REEP3: variants seen among roughly 807,000 people sequenced by gnomAD.
REEP3 encodes the protein receptor expression-enhancing protein 3.
In REEP3, 20 loss-of-function variants were observed where a neutral mutation model predicts 41.3. The ratio of observed to expected loss-of-function variants is 0.48; its 90% CI spans 0.34 to 0.70. REEP3 has a LOEUF of 0.70. Ranked by LOEUF, REEP3 falls within the 30% of genes least tolerant of loss-of-function variation. The pLI, the probability that REEP3 is intolerant of heterozygous loss-of-function variation, is 0.01. For missense variants in REEP3, 271 were observed against 308.8 expected (o/e 0.88, Z 0.92); for synonymous variants, 104 against 101.8 (o/e 1.02, Z -0.13).
intron 2 of REEP3, among the ~76,000 whole-genome samples, chr10:63,586,984 G>T (rs1477683254): frequency 7.0e-5 from 10 of 142,500 alleles, no homozygotes; most frequent in East Asian, 4.0e-4. Flanking sequence ...GTTTATGCAT[G>T]TTTTTTTTTT....
chr10:63,521,636 G>T, intron 1 of REEP3, 59 bp downstream of exon 1: 1 of 1,286,566 alleles, frequency 7.8e-7, no homozygotes, highest in Non-Finnish European at 1.0e-6. Flanking sequence ...CTGTGGGAAG[G>T]GGAAGGAGCC....
At chr10:63,604,991 G>T (rs977077876) in intron 5 of REEP3, among the ~76,000 whole-genome samples, 2 of 152,110 alleles carry the variant, frequency 1.3e-5, no homozygotes, top group African/African-American at 4.8e-5. Context: ...CACTGAGAGG[G>T]GGCTGCTACT....
chr10:63,580,651 AAAAC>A (rs766581943), intron 2 of REEP3, among the ~76,000 whole-genome samples: 1 of 152,212 alleles, frequency 6.6e-6, no homozygotes, highest in Non-Finnish European at 1.5e-5. Context: ...AAAAAAATGA[AAAAC>A]AAGAAAAGAG....
At chr10:63,617,714 TATCA>T (rs1956321838) in intron 6 of REEP3, among the ~76,000 whole-genome samples, 5 of 1,974 alleles carry the variant, frequency 2.5e-3, no homozygotes, top group Non-Finnish European at 4.7e-3. Flanking sequence ...TTTTATTTTT[TATCA>T]GCATGAGCCA....
chr10:63,569,881 C>T (rs1448123980), intron 2 of REEP3, among the ~76,000 whole-genome samples: 5 of 151,900 alleles, frequency 3.3e-5, no homozygotes, highest in Admixed American at 2.0e-4. Flanking sequence ...GTCGAGACTA[C>T]AGTGAGACAT....
Position 63,521,564 on chromosome 10 carries a change from T to A in REEP3, c.19T>A (p.Ser7Thr). The change falls in exon 1 of 8, where the codon TCC (serine) becomes ACC (threonine). Residue 7 changes from serine (S) to threonine (T), a missense_variant. Physicochemically the swap from Ser to Thr is moderately conservative, Grantham distance 58. Transcript: ENST00000373758. ...CGTGAAGATGGTGTCCTGGATGATC[T>A]CCAGAGCCGTGGTGTAAGTGCCTCT... MVSWMI[S>T]RAVVLVFGML... 1.4e-6 allele frequency: 2 copies of A among 1,430,102 alleles called. No individual in the cohort carries two copies. The highest frequency in any genetic ancestry group is 1.9e-6 in the Non-Finnish European group (2 of 1,080,338). The allele number at this position is 1,430,102 out of a possible 1,614,324, so 88.6% of individuals were successfully genotyped here. A position where few individuals can be genotyped will look rare whatever the true frequency, so the allele number is the denominator to read the frequency against.
Position 63,622,215 on chromosome 10 carries a change from C to T in REEP3, c.*1346C>T, listed in dbSNP as rs1000038389. ...AAAAGATAAAATGATGAGAGAGATT[C>T]GAGAGGTCTTTGATCTGTCTCCCTT... On this transcript the variant is annotated 3_prime_UTR_variant, in exon 8 of 8. Transcript: ENST00000373758. 8.5e-5 allele frequency: 13 copies of T among 152,188 alleles called. No homozygotes were observed. The highest frequency in any genetic ancestry group is 3.1e-4 in the African/African-American group (13 of 41,520). 9.4% of individuals were successfully genotyped at this position (152,188 alleles called of 1,614,324 possible).
rs775748731 is a variant in REEP3 at position 63,538,215 on chromosome 10, A to G, written c.32+16638A>G. Among the ~76,000 whole-genome samples, 13 of 152,194 alleles carry G rather than the reference A, an allele frequency of 8.5e-5. 1 individual carries two copies. The highest frequency in any genetic ancestry group is 1.5e-4 in the Non-Finnish European group (10 of 68,032). On this transcript the variant is annotated intron_variant, in intron 1 of 7. Transcript: ENST00000373758. ...CTTGCCTATTTTGTTAGTTTAGCCT[A>G]TCAAAAATGTCACATTGCTTGAAAC...
intron 1 of REEP3, among the ~76,000 whole-genome samples, chr10:63,546,455 A>C (rs1955579326): frequency 6.6e-6 from 1 of 152,236 alleles, no homozygotes; most frequent in Non-Finnish European, 1.5e-5. Context: ...AAGTATACCT[A>C]GAGAAGAGAA....
chr10:63,616,102 C>T (rs7075628), intron 6 of REEP3, among the ~76,000 whole-genome samples: 7,152 of 152,226 alleles, frequency 0.047, 252 homozygotes, highest in African/African-American at 0.097. Flanking sequence ...GGCTTCATTG[C>T]TCTCTGACGA....
chr10:63,564,805 G>A (rs1277611203), intron 1 of REEP3, among the ~76,000 whole-genome samples: 1 of 152,136 alleles, frequency 6.6e-6, no homozygotes, highest in African/African-American at 2.4e-5. Flanking sequence ...ACCCCTTGAA[G>A]CAGCAACATC....
chr10:63,597,811 G>C (rs1956129984), intron 3 of REEP3, among the ~76,000 whole-genome samples: 1 of 151,904 alleles, frequency 6.6e-6, no homozygotes, highest in Non-Finnish European at 1.5e-5. Flanking sequence ...TACTGGGGAG[G>C]CTGAGGCAGG....
chr10:63,623,909 C>A lies in REEP3; in HGVS notation c.*3040C>A, dbSNP rs1956376214. ...TTCAGGGATCTTATTCCATATGTCA[C>A]CACCAAAGATTTCTACAGTGTTATA... On this transcript the variant is annotated 3_prime_UTR_variant, in exon 8 of 8. Transcript: ENST00000373758. 1 of 153,992 alleles carries A rather than the reference C, an allele frequency of 6.5e-6. No individual in the cohort carries two copies. Among genetic ancestry groups the A allele is most frequent in the Admixed American group, 6.6e-5 (1 of 15,252 alleles). The allele number at this position is 153,992 out of a possible 1,614,324, so 9.5% of individuals were successfully genotyped here.
intron 5 of REEP3, among the ~76,000 whole-genome samples, chr10:63,604,301 T>A (rs1412845532): frequency 2.6e-5 from 4 of 152,238 alleles, no homozygotes; most frequent in Non-Finnish European, 5.9e-5. Flanking sequence ...TTGAAGGACC[T>A]TCAAGGATTT....
chr10:63,622,524 G>GA lies in REEP3; in HGVS notation c.*1657dup, dbSNP rs1399737467. ...TCTAATTTCTATTCCAAATTTCTAT[G>GA]AATTCTAATTGTAAATTATCGGAAC... On this transcript the variant is annotated 3_prime_UTR_variant, in exon 8 of 8. Transcript: ENST00000373758. 1.3e-5 allele frequency: 2 copies of GA among 151,886 alleles called. No homozygotes were observed. The highest frequency in any genetic ancestry group is 1.3e-4 in the Admixed American group (2 of 15,248). 9.4% of individuals were successfully genotyped at this position (151,886 alleles called of 1,614,324 possible).
chr10:63,569,524 T>G (rs1955834406), intron 2 of REEP3, among the ~76,000 whole-genome samples: 1 of 152,212 alleles, frequency 6.6e-6, no homozygotes, highest in East Asian at 1.9e-4. Flanking sequence ...TTTTAAATGT[T>G]TAGATGAGAA....
At chr10:63,606,994 A>G (rs961174817) in intron 5 of REEP3, among the ~76,000 whole-genome samples, 9 of 152,372 alleles carry the variant, frequency 5.9e-5, no homozygotes, top group Admixed American at 1.3e-4. Flanking sequence ...TACCGTTAAT[A>G]TAGCAAACAT....
At chr10:63,542,889 T>C (rs1955541510) in intron 1 of REEP3, among the ~76,000 whole-genome samples, 1 of 152,228 alleles carries the variant, frequency 6.6e-6, no homozygotes, top group African/African-American at 2.4e-5. Flanking sequence ...ACTATGTCTC[T>C]CTGGGCACGT....
intron 1 of REEP3, among the ~76,000 whole-genome samples, chr10:63,543,946 A>G (rs1010817102): frequency 1.3e-5 from 2 of 152,262 alleles, no homozygotes; most frequent in Non-Finnish European, 2.9e-5. Context: ...AAACAGACAC[A>G]GAAAGGTTAA....
Sources: allele counts gnomAD v4.1 joint callset (sites outside exome capture counted in the v4.1 genomes callset), GRCh38; gene constraint gnomAD v4.1.1; transcripts MANE v1.5; gene names NCBI Gene and HGNC (gene_info 2026-07-23, HGNC 2026-07-21).